The following RBP7 variants were observed in gnomAD, a reference collection of about 807,000 sequenced individuals.
RBP7 encodes retinol binding protein 7.
In RBP7, 13 loss-of-function variants were observed where a neutral mutation model predicts 16.7. The observed-to-expected ratio is 0.78, with a 90% confidence interval of 0.51 to 1.24. The LOEUF is 1.24. RBP7 is among the 50% of genes most tolerant of loss of function. The pLI, the probability that RBP7 is intolerant of heterozygous loss-of-function variation, is 0.00. For missense variants in RBP7, 145 were observed against 159.5 expected (o/e 0.91, Z 0.49); for synonymous variants, 54 against 56.2 (o/e 0.96, Z 0.17).
intron 2 of RBP7, 32 bp downstream of exon 2, chr1:10,007,780 A>T (rs1198496904): frequency 6.3e-7 from 1 of 1,599,802 alleles, no homozygotes; most frequent in Admixed American, 1.7e-5. Context: ...GGTGCGGTGG[A>T]TTACGCTTGT....
At chr1:10,001,402 C>T (rs1309175653) in intron 1 of RBP7, among the ~76,000 whole-genome samples, 2 of 152,128 alleles carry the variant, frequency 1.3e-5, no homozygotes, top group African/African-American at 4.8e-5. Context: ...ACTTCCTGGG[C>T]TCAGGCGATC....
intron 1 of RBP7, among the ~76,000 whole-genome samples, chr1:10,001,332 G>A (rs555844599): frequency 7.8e-4 from 118 of 152,222 alleles, no homozygotes; most frequent in African/African-American, 2.7e-3. Flanking sequence ...TTGAGATAGG[G>A]TCTTGCTCTG....
chr1:9,999,852 C>T (rs111449768), intron 1 of RBP7, among the ~76,000 whole-genome samples: 3,771 of 128,498 alleles, frequency 0.029, 63 homozygotes, highest in African/African-American at 0.036. Flanking sequence ...GAGTCTGGCT[C>T]TATTGCCTAG....
intron 1 of RBP7, among the ~76,000 whole-genome samples, chr1:9,998,702 C>A (rs939239330): frequency 1.3e-5 from 2 of 152,022 alleles, no homozygotes; most frequent in African/African-American, 4.8e-5. Context: ...GGCACCGCAC[C>A]GGCCAATTTT....
intron 3 of RBP7, among the ~76,000 whole-genome samples, chr1:10,015,302 T>G (rs954237098): frequency 1.3e-5 from 2 of 152,052 alleles, no homozygotes; most frequent in African/African-American, 4.8e-5. Flanking sequence ...TAGCAGAGCA[T>G]GGTGGCACAC....
chr1:9,998,215 C>A (rs1186337182), intron 1 of RBP7, among the ~76,000 whole-genome samples: 1 of 152,074 alleles, frequency 6.6e-6, no homozygotes, highest in East Asian at 1.9e-4. Context: ...TGGTGTCCAA[C>A]TCCTGACCTC....
intron 1 of RBP7, among the ~76,000 whole-genome samples, chr1:10,002,412 T>C (rs1642302963): frequency 6.6e-6 from 1 of 152,052 alleles, no homozygotes; most frequent in Non-Finnish European, 1.5e-5. Context: ...ATGAGGAATA[T>C]GGCCTTTTGG....
At chr1:10,012,160 G>A (rs1000875945) in intron 3 of RBP7, among the ~76,000 whole-genome samples, 4 of 145,540 alleles carry the variant, frequency 2.7e-5, no homozygotes, top group South Asian at 2.2e-4. Flanking sequence ...ACGGTGAGCC[G>A]AGATTGCACC....
chr1:10,001,091 G>T (rs1642266629), intron 1 of RBP7, among the ~76,000 whole-genome samples: 1 of 152,126 alleles, frequency 6.6e-6, no homozygotes, highest in African/African-American at 2.4e-5. Context: ...GTGATGCTAA[G>T]GGTCAAATAA....
At chr1:10,007,793 T>A (rs778068587) in intron 2 of RBP7, 45 bp downstream of exon 2, 3 of 1,580,670 alleles carry the variant, frequency 1.9e-6, no homozygotes, top group Non-Finnish European at 2.6e-6. Context: ...ACGCTTGTAA[T>A]CCTAACACTT....
chr1:10,007,351 C>G (rs1304281361), intron 1 of RBP7, among the ~76,000 whole-genome samples: 1 of 152,014 alleles, frequency 6.6e-6, no homozygotes, highest in Non-Finnish European at 1.5e-5. Flanking sequence ...TCCCAAAGTG[C>G]TGGAATTACT....
At chr1:10,012,990 A>C (rs1003793701) in intron 3 of RBP7, among the ~76,000 whole-genome samples, 14 of 150,728 alleles carry the variant, frequency 9.3e-5, no homozygotes, top group Non-Finnish European at 1.2e-4. Flanking sequence ...ATCCTTCTCT[A>C]GCATACCCTG....
intron 1 of RBP7, chr1:10,004,251 T>C (rs890871314): frequency 6.6e-6 from 1 of 151,700 alleles, no homozygotes. Context: ...TTTGTATTTT[T>C]AGTAGAGACG....
At chr1:10,000,190 T>C (rs1642238900) in intron 1 of RBP7, among the ~76,000 whole-genome samples, 3 of 151,772 alleles carry the variant, frequency 2.0e-5, no homozygotes, top group South Asian at 4.1e-4. Context: ...ATTGCGCCAT[T>C]GCACTCTAGC....
At position 10,015,815 on chromosome 1, in the gene RBP7, A is replaced by C; in HGVS notation, c.388A>C (p.Thr130Pro). 1 of 1,614,092 alleles carries C rather than the reference A, an allele frequency of 6.2e-7. No individual in the cohort carries two copies. Among genetic ancestry groups the C allele is most frequent in the Non-Finnish European group, 8.5e-7 (1 of 1,180,002 alleles). ...MFCEGQVCKQTFQRA is the reference protein window; with the variant it reads ...MFCEGQVCKQPFQRA ...CTGTGAAGGTCAAGTGTGCAAACAGACATTCCAGAGAGCCTGATCCACATC... is the reference window on the plus strand; with the variant it reads ...CTGTGAAGGTCAAGTGTGCAAACAGCCATTCCAGAGAGCCTGATCCACATC... Residue 130 changes from threonine to proline, a missense_variant, in exon 4 of 4, where the codon ACA becomes CCA. By Grantham distance (38) the Thr-to-Pro change is conservative. Coordinates refer to ENST00000294435, the MANE Select transcript of RBP7 (RefSeq NM_052960.3).
At chr1:10,014,493 C>A (rs1218534977) in intron 3 of RBP7, among the ~76,000 whole-genome samples, 3 of 151,504 alleles carry the variant, frequency 2.0e-5, no homozygotes, top group Non-Finnish European at 4.4e-5. Context: ...TCAAGCAATT[C>A]TCCTGTCTCA....
intron 3 of RBP7, among the ~76,000 whole-genome samples, chr1:10,014,487 G>C (rs567450637): frequency 7.5e-4 from 114 of 151,616 alleles, no homozygotes; most frequent in African/African-American, 2.6e-3. Context: ...TTGGGTTCAA[G>C]CAATTCTCCT....
chr1:9,999,076 T>C (rs1026374901), intron 1 of RBP7, among the ~76,000 whole-genome samples: 1 of 152,172 alleles, frequency 6.6e-6, no homozygotes, highest in Non-Finnish European at 1.5e-5. Context: ...CACACTGTTC[T>C]GGTGGTAGTG....
chr1:9,998,202 G>A (rs1424978586), intron 1 of RBP7, among the ~76,000 whole-genome samples: 1 of 152,026 alleles, frequency 6.6e-6, no homozygotes, highest in Non-Finnish European at 1.5e-5. Context: ...ATATTGGTCA[G>A]GCTGGTGTCC....
Sources: gnomAD v4.1 joint callset for allele counts (sites outside exome capture counted in the v4.1 genomes callset) on GRCh38, gnomAD v4.1.1 for gene constraint, MANE v1.5 for transcripts, NCBI Gene and HGNC (gene_info 2026-07-23, HGNC 2026-07-21) for gene names.